The following HIVEP2 variants were observed in gnomAD, a reference collection of about 807,000 sequenced individuals.
HIVEP2 encodes the protein transcription factor HIVEP2.
Under a neutral mutation model 180.7 loss-of-function variants are expected in HIVEP2, and 14 were observed. The ratio of observed to expected loss-of-function variants is 0.08; its 90% CI spans 0.05 to 0.12. HIVEP2 has a LOEUF of 0.12. HIVEP2 is among the 10% of genes least tolerant of loss of function. The probability of loss-of-function intolerance (pLI) is 1.00; values close to 1 mark genes in which losing one functional copy is unlikely to be tolerated. For synonymous variants in HIVEP2, 1,184 were observed against 1,136.4 expected, an observed-to-expected ratio of 1.04 and a Z score of -0.84; for missense variants, 2,579 against 3,008.5, an observed-to-expected ratio of 0.86 and a Z score of 3.34.
intron 1 of HIVEP2, among the ~76,000 whole-genome samples, chr6:142,886,681 A>G (rs575449188): frequency 6.6e-6 from 1 of 152,308 alleles, no homozygotes; most frequent in South Asian, 2.1e-4. Flanking sequence ...CCAGTTAATT[A>G]TTAGCCATAG....
intron 1 of HIVEP2, among the ~76,000 whole-genome samples, chr6:142,860,718 C>G (rs910477583): frequency 1.8e-4 from 27 of 152,158 alleles, no homozygotes; most frequent in Non-Finnish European, 3.7e-4. Flanking sequence ...AGGCGGAGCT[C>G]AAGTGGTAAT....
At chr6:142,923,095 G>A (rs1485301098) in intron 1 of HIVEP2, among the ~76,000 whole-genome samples, 3 of 152,124 alleles carry the variant, frequency 2.0e-5, no homozygotes, top group African/African-American at 7.2e-5. Flanking sequence ...AGCACTTTGG[G>A]AGGCCAAGGC....
chr6:142,774,133 A>G lies in HIVEP2; in HGVS notation c.606T>C (p.Ser202=). The change falls in exon 5 of 10, where the codon AGT becomes AGC. Residue 202 remains serine (S), a synonymous_variant. Transcript: ENST00000367603. The surrounding 1 kb of genome is among the most constrained non-coding windows in gnomAD (Gnocchi z 5.1). The part of the protein sequence containing the change: ...PYCSRACAKP[S]VLKKHIRSHT... ...GGGACCTGATGTGTTTTTTCAGTAC[A>G]CTAGGTTTGGCACACGCTCTGCTGC... is the stretch of plus-strand genomic sequence containing the variant. 5.0e-6 allele frequency: 8 copies of G among 1,614,084 alleles called. No individual in the cohort carries two copies. In the East Asian group the frequency reaches 6.7e-5, roughly 13 times the overall value.
intron 1 of HIVEP2, among the ~76,000 whole-genome samples, chr6:142,873,109 T>C (rs1211170654): frequency 1.3e-5 from 2 of 152,154 alleles, no homozygotes; most frequent in African/African-American, 4.8e-5. Context: ...CCACACAGCT[T>C]TGACCCCAGC....
intron 3 of HIVEP2, among the ~76,000 whole-genome samples, chr6:142,782,349 C>T (rs936981986): frequency 2.6e-5 from 4 of 152,144 alleles, no homozygotes; most frequent in Admixed American, 1.3e-4. Context: ...GTAGTTGTAA[C>T]ATTGATCCCA....
intron 2 of HIVEP2, among the ~76,000 whole-genome samples, chr6:142,831,020 CA>C (rs1377856758): frequency 1.3e-5 from 2 of 152,342 alleles, no homozygotes; most frequent in South Asian, 4.1e-4. Context: ...AGGAGACCAG[CA>C]AGTACTCTGG....
intron 1 of HIVEP2, among the ~76,000 whole-genome samples, chr6:142,939,054 T>G (rs1402699135): frequency 6.6e-6 from 1 of 152,210 alleles, no homozygotes; most frequent in Non-Finnish European, 1.5e-5. Context: ...TGGTCAACTT[T>G]CACTACTAAT....
chr6:142,797,592 T>C (rs1776308356), intron 2 of HIVEP2, among the ~76,000 whole-genome samples: 1 of 152,176 alleles, frequency 6.6e-6, no homozygotes. Flanking sequence ...TTCCCAATTT[T>C]GCTTTCTGCA....
At chr6:142,783,783 CT>C (rs1775917944) in intron 2 of HIVEP2, among the ~76,000 whole-genome samples, 168 bp from the exon 3 acceptor site, 1 of 151,366 alleles carries the variant, frequency 6.6e-6, no homozygotes, top group Admixed American at 6.6e-5. Flanking sequence ...AATTTCCTTT[CT>C]TTTAACATAG....
At chr6:142,863,894 T>C (rs1187363488) in intron 1 of HIVEP2, among the ~76,000 whole-genome samples, 2 of 152,228 alleles carry the variant, frequency 1.3e-5, no homozygotes, top group Admixed American at 1.3e-4. Context: ...AACACACTTA[T>C]AAGCAAAATC....
chr6:142,907,417 TA>T (rs1777292561), intron 1 of HIVEP2, among the ~76,000 whole-genome samples: 1 of 152,186 alleles, frequency 6.6e-6, no homozygotes, highest in Admixed American at 6.5e-5. Flanking sequence ...TGAAGAAATC[TA>T]AAACTTTTTA....
intron 3 of HIVEP2, among the ~76,000 whole-genome samples, chr6:142,777,769 T>C (rs866539323): frequency 2.0e-5 from 3 of 152,090 alleles, no homozygotes; most frequent in African/African-American, 4.8e-5. Context: ...TTAATTTTTG[T>C]TTATTTTTCT....
intron 2 of HIVEP2, among the ~76,000 whole-genome samples, chr6:142,803,027 C>G (rs1002935553): frequency 4.6e-5 from 7 of 152,234 alleles, no homozygotes; most frequent in Admixed American, 4.6e-4. Flanking sequence ...TCACTAAGTA[C>G]AGCAAGAATG....
At chr6:142,918,902 T>C (rs1777625239) in intron 1 of HIVEP2, among the ~76,000 whole-genome samples, 1 of 151,296 alleles carries the variant, frequency 6.6e-6, no homozygotes, top group Admixed American at 6.5e-5. Context: ...TTTTTAAATA[T>C]TAACACCTGT....
At chr6:142,777,404 T>G (rs1040644755) in intron 3 of HIVEP2, among the ~76,000 whole-genome samples, 24 of 152,028 alleles carry the variant, frequency 1.6e-4, no homozygotes, top group Non-Finnish European at 1.0e-4. Flanking sequence ...AGAGGAACAG[T>G]TGATCAACAG....
chr6:142,756,188 C>T (rs775657688), intron 9 of HIVEP2, among the ~76,000 whole-genome samples: 13 of 152,186 alleles, frequency 8.5e-5, no homozygotes, highest in Non-Finnish European at 1.3e-4. Context: ...TATTACCCTA[C>T]GCATCTCTTC....
At chr6:142,926,509 AAAAG>A (rs1015585288) in intron 1 of HIVEP2, among the ~76,000 whole-genome samples, 1 of 152,240 alleles carries the variant, frequency 6.6e-6, no homozygotes, top group African/African-American at 2.4e-5. Context: ...GGGCTTTGTG[AAAAG>A]AAAGAGCGTA....
chr6:142,860,101 G>A (rs927843651), intron 1 of HIVEP2, among the ~76,000 whole-genome samples: 2 of 151,538 alleles, frequency 1.3e-5, no homozygotes. Flanking sequence ...CTATCCCCTC[G>A]GACCTCCAAC....
chr6:142,852,285 G>A (rs1775701740), intron 1 of HIVEP2, among the ~76,000 whole-genome samples: 4 of 152,042 alleles, frequency 2.6e-5, no homozygotes, highest in Admixed American at 2.6e-4. Context: ...TTTCTATCAA[G>A]AAGTAGCATT....
Sources: gnomAD v4.1 joint callset for allele counts (sites outside exome capture counted in the v4.1 genomes callset) on GRCh38, gnomAD v4.1.1 for gene constraint, Gnocchi (gnomAD v3.1) non-coding constraint, MANE v1.5 for transcripts, NCBI Gene and HGNC (gene_info 2026-07-23, HGNC 2026-07-21) for gene names.